Variants in OR52H1 observed in about 807,000 individuals in gnomAD.
OR52H1 encodes the protein olfactory receptor 52H1.
For missense variants in OR52H1, 383 were observed against 396.4 expected (o/e 0.97, Z 0.29); for synonymous variants, 148 against 138.6 (o/e 1.07, Z -0.48).
At position 5,544,682 on chromosome 11, in the gene OR52H1, T is replaced by C. The variant is rs1846822170; in HGVS notation, c.824A>G (p.His275Arg). 6.2e-7 allele frequency: 1 copy of C among 1,613,864 alleles called. No homozygotes were observed. Among genetic ancestry groups the C allele is most frequent in the Admixed American group, 1.7e-5 (1 of 59,976 alleles). Residue 275 changes from histidine (H) to arginine (R), a missense_variant, in exon 2 of 2, where the codon CAC (histidine) becomes CGC (arginine). Transcript: ENST00000322653. Reference sequence around the variant, plus strand: ...AATGTAGAGATTGGCAAACATGATGTGGAAGGTGCGAGAGACATTGTGTCC... The same window carrying C: ...AATGTAGAGATTGGCAAACATGATGCGGAAGGTGCGAGAGACATTGTGTCC... Reference protein sequence around the residue: ...RFGHNVSRTFHIMFANLYIVI... With the variant: ...RFGHNVSRTFRIMFANLYIVI...
At position 5,545,339 on chromosome 11, in the gene OR52H1, CT is replaced by C; in HGVS notation, c.166del (p.Ser56ValfsTer15). 2 of 1,614,160 alleles carry C rather than the reference CT, an allele frequency of 1.2e-6. No individual in the cohort carries two copies. The highest frequency in any genetic ancestry group is 1.6e-4 in the Middle Eastern group (1 of 6,062). ...ILLYLIVVEH[S>X]LHEPMFFFLS... ...AAAGAAGAACATGGGTTCATGAAGA[CT>C]ATGCTCCACCACAATGAGGTAGAGA... On this transcript the variant is annotated frameshift_variant, in exon 2 of 2. Transcript: ENST00000322653. LOFTEE classifies it low-confidence loss of function (END_TRUNC).
At position 5,545,013 on chromosome 11, in the gene OR52H1, G is replaced by A. The variant is rs372843856; in HGVS notation, c.493C>T (p.Leu165=). Residue 165 remains leucine (L), a synonymous_variant, in exon 2 of 2, where the codon CTG becomes TTG. Coordinates refer to ENST00000322653, the MANE Select transcript of OR52H1 (RefSeq NM_001005289.5). ...GTCCTGCAGAAAGGCAGGCATGTCA[G>A]CAAGAATACATCTGGCAGGATGATG... The part of the protein sequence containing the change: ...FCIILPDVFL[L]TCLPFCRTRI... The A allele has an allele frequency of 5.4e-5, 87 of 1,614,100 alleles. No individual in the cohort carries two copies. Among genetic ancestry groups the A allele is most frequent in the Non-Finnish European group, 7.1e-5 (84 of 1,180,048 alleles).
Position 5,545,009 on chromosome 11 carries a change from G to A in OR52H1, c.497C>T (p.Thr166Ile). Reference protein sequence around the residue: ...CIILPDVFLLTCLPFCRTRII... With the variant: ...CIILPDVFLLICLPFCRTRII... ...GCGTGTCCTGCAGAAAGGCAGGCAT[G>A]TCAGCAAGAATACATCTGGCAGGAT... The change falls in exon 2 of 2, where the codon ACA becomes ATA. Residue 166 changes from threonine to isoleucine, a missense_variant. Physicochemically the swap from Thr to Ile is moderately conservative, Grantham distance 89. Transcript: ENST00000322653. The A allele has an allele frequency of 1.2e-6, 2 of 1,614,170 alleles. No homozygotes were observed. Among genetic ancestry groups the A allele is most frequent in the Non-Finnish European group, 1.7e-6 (2 of 1,180,024 alleles).
chr11:5,544,589 A>G lies in OR52H1; in HGVS notation c.917T>C (p.Ile306Thr), dbSNP rs1846820008. 1 of 1,606,038 alleles carries G rather than the reference A, an allele frequency of 6.2e-7. No homozygotes were observed. The highest frequency in any genetic ancestry group is 1.3e-5 in the African/African-American group (1 of 74,654). The change falls in exon 2 of 2, where the codon ATA becomes ACA. Residue 306 changes from isoleucine to threonine, a missense_variant. Transcript: ENST00000322653. ...TCCTGTACCCTTAGAAAACAAAAGT[A>G]TAACCTTATCTCTGATCTGCTTGGT... ...VKTKQIRDKV[I>T]LLFSKGTG
chr11:5,544,613 G>A lies in OR52H1; in HGVS notation c.893C>T (p.Thr298Ile). 6.2e-7 allele frequency: 1 copy of A among 1,613,456 alleles called. No individual in the cohort carries two copies. Among genetic ancestry groups the A allele is most frequent in the African/African-American group, 1.3e-5 (1 of 74,982 alleles). Residue 298 changes from threonine (T) to isoleucine (I), a missense_variant, in exon 2 of 2, where the codon ACC (threonine) becomes ATC (isoleucine). Transcript: ENST00000322653. ...ALNPMVYGVK[T>I]KQIRDKVILL... Reference sequence around the variant, plus strand: ...TATAACCTTATCTCTGATCTGCTTGGTCTTCACTCCGTAAACCATGGGGTT... The same window carrying A: ...TATAACCTTATCTCTGATCTGCTTGATCTTCACTCCGTAAACCATGGGGTT...
chr11:5,545,578 T>C (rs1846842495), intron 1 of OR52H1, 43 bp from the exon 2 acceptor site: 2 of 1,517,026 alleles, frequency 1.3e-6, no homozygotes, highest in South Asian at 1.3e-5. Flanking sequence ...CTTGAGTAAC[T>C]CTCAAACTTT....
intron 1 of OR52H1, among the ~76,000 whole-genome samples, chr11:5,546,944 C>T (rs951098475): frequency 9.9e-5 from 15 of 152,010 alleles, no homozygotes; most frequent in Non-Finnish European, 1.8e-4. Context: ...CAAATAAATG[C>T]AGTGTGGTTA....
In OR52H1 at chr11:5,545,075, A is replaced by G; in HGVS notation, c.431T>C (p.Ile144Thr). The G allele has an allele frequency of 6.2e-7, 1 of 1,614,178 alleles. No individual in the cohort carries two copies. Among genetic ancestry groups the G allele is most frequent in the Non-Finnish European group, 8.5e-7 (1 of 1,180,026 alleles). ...AAAGGAGATGCCCATAGCACTCTTG[A>G]TGATGGTCTTGGGAGTCAAGATGGT... ...YTTILTPKTI[I>T]KSAMGISFRS... Residue 144 changes from isoleucine to threonine, a missense_variant, in exon 2 of 2, where the codon ATC becomes ACC. Ile to Thr is a moderately conservative substitution (Grantham distance 89, BLOSUM62 -1). Coordinates refer to ENST00000322653, the MANE Select transcript of OR52H1 (RefSeq NM_001005289.5).
rs1199157961 is a variant in OR52H1, at chr11:5,545,431, G to T, written c.75C>A (p.Phe25Leu). Residue 25 changes from phenylalanine to leucine, a missense_variant, in exon 2 of 2, where the codon TTC (phenylalanine) becomes TTA (leucine). By Grantham distance (22) the Phe-to-Leu change is conservative. Coordinates refer to ENST00000322653, the MANE Select transcript of OR52H1 (RefSeq NM_001005289.5). ...ILVGIPGLEQ[F>L]HVWIGIPFCI... ...AGAAGGGAATTCCAATCCACACATG[G>T]AATTGCTCCAGGCCTGGGATCCCTA... is the stretch of plus-strand genomic sequence containing the variant. 1.2e-6 allele frequency: 2 copies of T among 1,614,132 alleles called. No individual in the cohort carries two copies. The highest frequency in any genetic ancestry group is 8.5e-7 in the Non-Finnish European group (1 of 1,180,014).
chr11:5,545,425 C>T lies in OR52H1; in HGVS notation c.81G>A (p.Val27=), dbSNP rs140524474. 701 of 1,614,106 alleles carry T rather than the reference C, an allele frequency of 4.3e-4. 2 individuals are homozygous for T. In the African/African-American group the frequency reaches 8.5e-3, roughly 20 times the overall value. Residue 27 remains valine (V), a synonymous_variant, in exon 2 of 2, where the codon GTG becomes GTA. Coordinates refer to ENST00000322653, the MANE Select transcript of OR52H1 (RefSeq NM_001005289.5). ...VGIPGLEQFH[V]WIGIPFCIIY... ...TGATACAGAAGGGAATTCCAATCCACACATGGAATTGCTCCAGGCCTGGGA... is the reference window on the plus strand; with the variant it reads ...TGATACAGAAGGGAATTCCAATCCATACATGGAATTGCTCCAGGCCTGGGA...
chr11:5,548,535 A>C lies in OR52H1; in HGVS notation c.-114T>G, dbSNP rs1846884015. The C allele has an allele frequency of 6.6e-6, 1 of 152,022 alleles. No homozygotes were observed. The highest frequency in any genetic ancestry group is 1.5e-5 in the Non-Finnish European group (1 of 68,004). 9.4% of individuals were successfully genotyped at this position (152,022 alleles called of 1,614,324 possible). A position where few individuals can be genotyped will look rare whatever the true frequency, so the allele number is the denominator to read the frequency against. ...AGACAGCAGACACACCAACCAAAAA[A>C]AAACATGAGTGGAAGGAAAAGGAAG... On this transcript the variant is annotated 5_prime_UTR_variant, in exon 1 of 2. Transcript: ENST00000322653.
rs1846827782 is a variant in OR52H1 at position 5,544,898 on chromosome 11, C to A, written c.608G>T (p.Cys203Phe). The change falls in exon 2 of 2, where the codon TGT (cysteine) becomes TTT (phenylalanine). Residue 203 changes from cysteine (C) to phenylalanine (F), a missense_variant. By Grantham distance (205) the Cys-to-Phe change is radical (BLOSUM62 -2). Transcript: ENST00000322653. ...DISINFWYGF[C>F]VPIMTVISDV... ...TGAGATGACCGTCATGATGGGAACA[C>A]AAAAGCCATACCAGAAGTTGATGGA... 1 of 1,614,002 alleles carries A rather than the reference C, an allele frequency of 6.2e-7. No individual in the cohort carries two copies. Among genetic ancestry groups the A allele is most frequent in the African/African-American group, 1.3e-5 (1 of 75,024 alleles).
chr11:5,546,181 CA>C (rs34696903), intron 1 of OR52H1, among the ~76,000 whole-genome samples: 1,551 of 145,462 alleles, frequency 0.011, 18 homozygotes, highest in African/African-American at 0.033. Flanking sequence ...CCTTTCTCCT[CA>C]AAAAAAAAAA....
Position 5,544,799 on chromosome 11 carries a change from C to A in OR52H1, c.707G>T (p.Cys236Phe). 2 of 1,614,012 alleles carry A rather than the reference C, an allele frequency of 1.2e-6. No homozygotes were observed. The highest frequency in any genetic ancestry group is 1.7e-6 in the Non-Finnish European group (2 of 1,179,984). Residue 236 changes from cysteine to phenylalanine, a missense_variant, in exon 2 of 2, where the codon TGC becomes TTC. By Grantham distance (205) the Cys-to-Phe change is radical. Coordinates refer to ENST00000322653, the MANE Select transcript of OR52H1 (RefSeq NM_001005289.5). Reference sequence around the variant, plus strand: ...ACCACAAGTGCCGAGGGCTTTCTGGCAGGCATCTTGGGAGGGAAGGCCAAA... The same window carrying A: ...ACCACAAGTGCCGAGGGCTTTCTGGAAGGCATCTTGGGAGGGAAGGCCAAA... The part of the protein sequence containing the change: ...AVFGLPSQDA[C>F]QKALGTCGSH...
At chr11:5,546,227 C>T (rs770544812) in intron 1 of OR52H1, among the ~76,000 whole-genome samples, 2 of 151,544 alleles carry the variant, frequency 1.3e-5, no homozygotes, top group African/African-American at 2.4e-5. Flanking sequence ...TTATATACTA[C>T]GTAAGTGAAT....
At chr11:5,546,133 T>A (rs1846853071) in intron 1 of OR52H1, among the ~76,000 whole-genome samples, 1 of 150,454 alleles carries the variant, frequency 6.6e-6, no homozygotes, top group Admixed American at 6.6e-5. Context: ...TAAGTCAGAT[T>A]TAAACTAAAA....
intron 1 of OR52H1, among the ~76,000 whole-genome samples, chr11:5,547,991 C>A (rs1243959978): frequency 6.6e-6 from 1 of 152,182 alleles, no homozygotes; most frequent in Non-Finnish European, 1.5e-5. Flanking sequence ...AAGCATGTAA[C>A]AAGTTTTACT....
intron 1 of OR52H1, among the ~76,000 whole-genome samples, chr11:5,547,936 C>A (rs1846874423): frequency 6.6e-6 from 1 of 152,182 alleles, no homozygotes; most frequent in Admixed American, 6.5e-5. Flanking sequence ...TGAGCCACCA[C>A]GCCCAGCCGA....
At position 5,548,494 on chromosome 11, in the gene OR52H1, G is replaced by A. The variant is rs2133764713; in HGVS notation, c.-73C>T. 6.6e-6 allele frequency: 1 copy of A among 151,180 alleles called. No individual in the cohort carries two copies. Among genetic ancestry groups the A allele is most frequent in the East Asian group, 2.0e-4 (1 of 4,990 alleles). 9.4% of individuals were successfully genotyped at this position (151,180 alleles called of 1,614,324 possible). ...GCCAAAGGGAAAGAAGAAAGAGTGT[G>A]TTGACAAAATCTACAAGACAGCAGA... On this transcript the variant is annotated 5_prime_UTR_variant, in exon 1 of 2. Coordinates refer to ENST00000322653, the MANE Select transcript of OR52H1 (RefSeq NM_001005289.5).
Sources: allele counts gnomAD v4.1 joint callset (sites outside exome capture counted in the v4.1 genomes callset), GRCh38; gene constraint gnomAD v4.1.1; transcripts MANE v1.5; gene names NCBI Gene and HGNC (gene_info 2026-07-23, HGNC 2026-07-21).